Variants in SLC14A2 observed in about 807,000 individuals in gnomAD.
SLC14A2 encodes the protein solute carrier family 14 member 2, also known as urea transporter 2.
Under a neutral mutation model 104.6 loss-of-function variants are expected in SLC14A2, and 91 were observed. The observed-to-expected ratio is 0.87, with a 90% confidence interval of 0.73 to 1.04. The LOEUF (loss-of-function observed/expected upper bound fraction) is 1.04, where lower values mean the gene tolerates loss of function less well. SLC14A2 is among the 50% of genes least tolerant of loss of function. SLC14A2 has a pLI of 0.00. For missense variants in SLC14A2, 1,189 were observed against 1,156.0 expected (o/e 1.03, Z -0.41); for synonymous variants, 476 against 466.4 (o/e 1.02, Z -0.27).
upstream of SLC14A2, among the ~76,000 whole-genome samples, chr18:45,212,668 T>G (rs751954717): frequency 6.6e-6 from 1 of 152,208 alleles, no homozygotes; most frequent in Non-Finnish European, 1.5e-5. Context: ...TGTGCACATG[T>G]GATACATGAG....
At chr18:45,595,836 G>A (rs1319730937) in intron 2 of SLC14A2, among the ~76,000 whole-genome samples, 1 of 152,124 alleles carries the variant, frequency 6.6e-6, no homozygotes, top group East Asian at 1.9e-4. Flanking sequence ...GAACGTCCTT[G>A]TTCAACTCAA....
intron 2 of SLC14A2, among the ~76,000 whole-genome samples, chr18:45,536,841 A>G (rs538667873): frequency 4.2e-4 from 64 of 152,308 alleles, no homozygotes; most frequent in African/African-American, 1.5e-3. Context: ...AAGCAAATCA[A>G]TCAAAGACAT....
chr18:45,631,353 CCCCT>C (rs1201518909), intron 4 of SLC14A2, among the ~76,000 whole-genome samples: 11 of 152,216 alleles, frequency 7.2e-5, no homozygotes, highest in Non-Finnish European at 1.2e-4. Flanking sequence ...GCTGCCTATG[CCCCT>C]CCCTCACCCA....
chr18:45,538,827 C>G (rs2043838457), intron 2 of SLC14A2, among the ~76,000 whole-genome samples: 1 of 150,632 alleles, frequency 6.6e-6, no homozygotes, highest in African/African-American at 2.4e-5. Context: ...GAAGAAATGA[C>G]CAAAGGTCCT....
At chr18:45,659,775 C>T (rs894809800) in intron 10 of SLC14A2, among the ~76,000 whole-genome samples, 1 of 152,030 alleles carries the variant, frequency 6.6e-6, no homozygotes, top group Admixed American at 6.6e-5. Flanking sequence ...CATTATTTTA[C>T]AAAAACTGTT....
At chr18:45,264,688 T>G (rs1331810583) in intron 1 of SLC14A2, among the ~76,000 whole-genome samples, 1 of 152,056 alleles carries the variant, frequency 6.6e-6, no homozygotes, top group African/African-American at 2.4e-5. Context: ...TCAACAGATC[T>G]CGTGAGACTT....
the SLC14A2 span, among the ~76,000 whole-genome samples, chr18:45,196,108 G>A: frequency 6.6e-6 from 1 of 152,146 alleles, no homozygotes; most frequent in Non-Finnish European, 1.5e-5. Flanking sequence ...TGAACAATTG[G>A]CCCCCTTTCA....
chr18:45,627,205 G>C, intron 4 of SLC14A2, 58 bp downstream of exon 4: 1 of 1,470,278 alleles, frequency 6.8e-7, no homozygotes, highest in Non-Finnish European at 9.4e-7. Context: ...GTAGAGAGGT[G>C]TTTACTTGAG....
chr18:45,447,019 A>G (rs2086782258), intron 1 of SLC14A2, among the ~76,000 whole-genome samples: 1 of 151,688 alleles, frequency 6.6e-6, no homozygotes, highest in East Asian at 1.9e-4. Flanking sequence ...CCTGTTTTTG[A>G]TTCATTGATT....
intron 1 of SLC14A2, among the ~76,000 whole-genome samples, chr18:45,480,258 CCA>C (rs150127043): frequency 0.032 from 4,905 of 152,188 alleles, 105 homozygotes; most frequent in Middle Eastern, 0.054. Flanking sequence ...ATGTCTAATC[CCA>C]GACAAGATTC....
chr18:45,589,775 G>A (rs1316814189), intron 2 of SLC14A2, among the ~76,000 whole-genome samples: 1 of 152,178 alleles, frequency 6.6e-6, no homozygotes, highest in African/African-American at 2.4e-5. Flanking sequence ...CCATTGAACT[G>A]TCCATGAAGA....
intron 1 of SLC14A2, among the ~76,000 whole-genome samples, chr18:45,262,567 A>G (rs1345507744): frequency 1.3e-5 from 2 of 152,144 alleles, no homozygotes; most frequent in African/African-American, 4.8e-5. Flanking sequence ...AATAGAAAGG[A>G]TTGACCAACT....
At chr18:45,615,844 A>C (rs1014191165) in intron 1 of SLC14A2, among the ~76,000 whole-genome samples, 2 of 150,218 alleles carry the variant, frequency 1.3e-5, no homozygotes, top group Admixed American at 6.6e-5. Context: ...TGTGAGAGAG[A>C]GAGAGAGAGA....
At chr18:45,530,634 G>C (rs28568706) in intron 2 of SLC14A2, among the ~76,000 whole-genome samples, 1 of 151,930 alleles carries the variant, frequency 6.6e-6, no homozygotes, top group Non-Finnish European at 1.5e-5. Flanking sequence ...TGCTGCTTGA[G>C]AGCCTAAGAA....
intron 1 of SLC14A2, among the ~76,000 whole-genome samples, chr18:45,216,317 C>T (rs149340380): frequency 7.2e-5 from 11 of 152,248 alleles, no homozygotes; most frequent in African/African-American, 2.4e-4. Flanking sequence ...CCCAAGACGT[C>T]GATGTGTGCA....
At chr18:45,511,885 T>C (rs1174196927) in intron 2 of SLC14A2, among the ~76,000 whole-genome samples, 2 of 152,184 alleles carry the variant, frequency 1.3e-5, no homozygotes, top group Non-Finnish European at 1.5e-5. Flanking sequence ...ACCAGGGAGT[T>C]CACTTTAGGA....
intron 1 of SLC14A2, among the ~76,000 whole-genome samples, chr18:45,397,760 A>C (rs916634340): frequency 2.0e-5 from 3 of 152,112 alleles, no homozygotes; most frequent in Non-Finnish European, 2.9e-5. Context: ...CTTACTAGCT[A>C]TGGAAATTTG....
intron 2 of SLC14A2, among the ~76,000 whole-genome samples, chr18:45,589,246 TAA>T (rs1417123322): frequency 9.3e-5 from 14 of 150,324 alleles, no homozygotes; most frequent in African/African-American, 3.4e-4. Flanking sequence ...ACAGAACGAT[TAA>T]AGTTTGTTCT....
chr18:45,645,573 T>G (rs1342643607), intron 10 of SLC14A2, among the ~76,000 whole-genome samples: 1 of 51,826 alleles, frequency 1.9e-5, no homozygotes, highest in African/African-American at 9.7e-5. Flanking sequence ...ATAATTTTGT[T>G]TCTCAACTAT....
Sources: gnomAD v4.1 joint callset for allele counts (sites outside exome capture counted in the v4.1 genomes callset) on GRCh38, gnomAD v4.1.1 for gene constraint, MANE v1.5 for transcripts, NCBI Gene and HGNC (gene_info 2026-07-23, HGNC 2026-07-21) for gene names.